RAD51AP1: variants seen among roughly 807,000 people sequenced by gnomAD.
RAD51AP1 encodes the protein RAD51-associated protein 1.
A neutral mutation model predicts 34.3 loss-of-function variants in RAD51AP1; 14 were observed. That is an observed-to-expected ratio of 0.41 (90% CI 0.27 to 0.64). The LOEUF is 0.64. RAD51AP1 is among the 30% of genes least tolerant of loss of function. The pLI, the probability that RAD51AP1 is intolerant of heterozygous loss-of-function variation, is 0.33. For synonymous variants in RAD51AP1, 114 were observed against 129.8 expected (o/e 0.88, Z 0.83); for missense variants, 348 against 386.9 (o/e 0.90, Z 0.84).
At chr12:4,547,365 C>T (rs1944514082) in intron 4 of RAD51AP1, among the ~76,000 whole-genome samples, 1 of 152,138 alleles carries the variant, frequency 6.6e-6, no homozygotes, top group Non-Finnish European at 1.5e-5. Context: ...TATCTGGCTG[C>T]CTCCTCTTTA....
chr12:4,548,883 A>G (rs1944526219), intron 6 of RAD51AP1, 47 bp downstream of exon 6: 1 of 1,592,494 alleles, frequency 6.3e-7, no homozygotes, highest in South Asian at 1.1e-5. Context: ...AATTCAGTCA[A>G]AAAAGTTCTT....
chr12:4,552,258 C>T (rs892291636), intron 6 of RAD51AP1, among the ~76,000 whole-genome samples: 4 of 152,116 alleles, frequency 2.6e-5, no homozygotes, highest in African/African-American at 9.7e-5. Context: ...TGATCCTAAC[C>T]CCCTCAAAAA....
intron 3 of RAD51AP1, chr12:4,545,810 G>C (rs758715216): frequency 6.2e-7 from 1 of 1,613,340 alleles, no homozygotes; most frequent in East Asian, 2.2e-5. Flanking sequence ...TAGTATTCCA[G>C]CTAGTGCAGT....
intron 3 of RAD51AP1, among the ~76,000 whole-genome samples, chr12:4,544,485 C>T (rs1038351559): frequency 6.6e-6 from 1 of 152,118 alleles, no homozygotes; most frequent in African/African-American, 2.4e-5. Context: ...GGAATATTAA[C>T]AAATGGAACA....
Position 4,548,821 on chromosome 12 carries a change from C to T in RAD51AP1, c.541C>T (p.Pro181Ser). 1 of 1,612,954 alleles carries T rather than the reference C, an allele frequency of 6.2e-7. No homozygotes were observed. Among genetic ancestry groups the T allele is most frequent in the Non-Finnish European group, 8.5e-7 (1 of 1,179,658 alleles). The change falls in exon 6 of 9, where the codon CCA (proline) becomes TCA (serine). Residue 181 changes from proline to serine, a missense_variant. Transcript: ENST00000352618. ...TGGTGATAGTGCTAATGACACTGAA[C>T]CAGACTTTGCACCTGGTAGGTTTTA... ...SDGDSANDTE[P>S]DFAPGEDSED...
At chr12:4,557,918 C>T (rs1053240074) in intron 8 of RAD51AP1, among the ~76,000 whole-genome samples, 18 of 152,076 alleles carry the variant, frequency 1.2e-4, no homozygotes, top group African/African-American at 4.1e-4. Flanking sequence ...TTGCTGTTTT[C>T]AAGAGAAGCC....
intron 1 of RAD51AP1, among the ~76,000 whole-genome samples, chr12:4,539,403 T>C (rs536323052): frequency 4.6e-4 from 70 of 152,304 alleles, no homozygotes; most frequent in Admixed American, 9.1e-4. Context: ...TCACTCAAGA[T>C]CCTCTGTGCT....
chr12:4,556,081 G>A (rs139993266), intron 7 of RAD51AP1, among the ~76,000 whole-genome samples: 66 of 152,238 alleles, frequency 4.3e-4, no homozygotes, highest in Admixed American at 9.8e-4. Flanking sequence ...ATTGCTTAAC[G>A]TCTCTGTTTC....
chr12:4,541,262 A>T (rs1043669166), intron 1 of RAD51AP1, among the ~76,000 whole-genome samples: 1 of 152,208 alleles, frequency 6.6e-6, no homozygotes, highest in African/African-American at 2.4e-5. Context: ...AAAAATCCAA[A>T]ATTCAAAACA....
chr12:4,548,888 G>A (rs746369712), intron 6 of RAD51AP1, 52 bp downstream of exon 6: 2 of 1,582,110 alleles, frequency 1.3e-6, no homozygotes, highest in African/African-American at 2.7e-5. Context: ...AGTCAAAAAA[G>A]TTCTTGGAAG....
intron 6 of RAD51AP1, chr12:4,550,569 T>C (rs7296957): frequency 0.12 from 18,965 of 152,298 alleles, 1,392 homozygotes; most frequent in African/African-American, 0.2. Context: ...ATCTTTAACA[T>C]TGTGTGTGGG....
intron 1 of RAD51AP1, 100 bp downstream of exon 1, chr12:4,539,056 G>C: frequency 7.3e-7 from 1 of 1,377,666 alleles, no homozygotes; most frequent in Non-Finnish European, 1.0e-6. Context: ...GGCAGCGATG[G>C]TGGGGTTAGG....
intron 5 of RAD51AP1, 29 bp downstream of exon 5, chr12:4,548,207 C>G (rs749797422): frequency 5.1e-6 from 8 of 1,581,976 alleles, no homozygotes; most frequent in Non-Finnish European, 6.8e-6. Context: ...TAATTTTTCT[C>G]ATCAACAATG....
At chr12:4,555,840 A>G (rs940081364) in intron 7 of RAD51AP1, among the ~76,000 whole-genome samples, 49 of 152,096 alleles carry the variant, frequency 3.2e-4, no homozygotes, top group African/African-American at 1.1e-3. Flanking sequence ...CCCTTACCAC[A>G]CTGCATTTTA....
In RAD51AP1 at chr12:4,548,725, G is replaced by A; in HGVS notation, c.445G>A (p.Val149Ile). ...TACTGTGGAAGATGATGTTGGTGGTGTTCAAGGGAAAAGAAAAGCAGCATC... is the reference window on the plus strand; with the variant it reads ...TACTGTGGAAGATGATGTTGGTGGTATTCAAGGGAAAAGAAAAGCAGCATC... ...KITVEDDVGGVQGKRKAASKA... is the reference protein window; with the variant it reads ...KITVEDDVGGIQGKRKAASKA... Residue 149 changes from valine (V) to isoleucine (I), a missense_variant, in exon 6 of 9, where the codon GTT (valine) becomes ATT (isoleucine). Transcript: ENST00000352618. The A allele has an allele frequency of 1.2e-6, 2 of 1,614,082 alleles. No homozygotes were observed. The highest frequency in any genetic ancestry group is 1.7e-5 in the Admixed American group (1 of 60,004).
intron 7 of RAD51AP1, 84 bp from the exon 8 acceptor site, chr12:4,556,269 A>G (rs1944581532): frequency 9.8e-7 from 1 of 1,017,806 alleles, no homozygotes; most frequent in South Asian, 1.4e-5. Flanking sequence ...ATGATTATGT[A>G]ACTTTATAAT....
chr12:4,547,523 T>G (rs1314375228), intron 4 of RAD51AP1, among the ~76,000 whole-genome samples: 1 of 152,220 alleles, frequency 6.6e-6, no homozygotes, highest in East Asian at 1.9e-4. Context: ...TAAGGGGAGT[T>G]CCTTAGAAGT....
chr12:4,548,164 C>G lies in RAD51AP1; in HGVS notation c.392C>G (p.Ala131Gly), dbSNP rs1244314208. 2 of 1,596,668 alleles carry G rather than the reference C, an allele frequency of 1.3e-6. No homozygotes were observed. Among genetic ancestry groups the G allele is most frequent in the Non-Finnish European group, 1.7e-6 (2 of 1,175,726 alleles). Reference protein sequence around the residue: ...KSPHISNCSVASDYLDLDKIT... With the variant: ...KSPHISNCSVGSDYLDLDKIT... ...CCTCATATCTCTAATTGCAGTGTAG[C>G]CAGTGATTATTTAGGTAAGTTTTTT... The change falls in exon 5 of 9, where the codon GCC (alanine) becomes GGC (glycine). Residue 131 changes from alanine to glycine, a missense_variant. Physicochemically the swap from Ala to Gly is moderately conservative, Grantham distance 60. Transcript: ENST00000352618.
chr12:4,540,322 T>C (rs1944455020), intron 1 of RAD51AP1, among the ~76,000 whole-genome samples: 1 of 152,158 alleles, frequency 6.6e-6, no homozygotes, highest in Admixed American at 6.5e-5. Flanking sequence ...GGAACAGCAG[T>C]TGTTAAAGTA....
Sources: gnomAD v4.1 joint callset for allele counts (sites outside exome capture counted in the v4.1 genomes callset) on GRCh38, gnomAD v4.1.1 for gene constraint, MANE v1.5 for transcripts, NCBI Gene and HGNC (gene_info 2026-07-23, HGNC 2026-07-21) for gene names.